The following PSMD14 variants were observed in gnomAD, a reference collection of about 807,000 sequenced individuals.
The protein encoded by PSMD14 is proteasome 26S subunit, non-ATPase 14.
In PSMD14, 7 loss-of-function variants were observed where a neutral mutation model predicts 41.2. The observed-to-expected ratio is 0.17, with a 90% confidence interval of 0.10 to 0.32. The LOEUF (loss-of-function observed/expected upper bound fraction) is 0.32. Ranked by LOEUF, PSMD14 falls within the 10% of genes least tolerant of loss-of-function variation. PSMD14 has a pLI of 1.00. For synonymous variants in PSMD14, 114 were observed against 122.3 expected (o/e 0.93, Z 0.45); for missense variants, 139 against 375.6 (o/e 0.37, Z 5.21).
chr2:161,323,969 G>C lies in PSMD14; in HGVS notation c.48+5096G>C, dbSNP rs908574719. 1.2e-4 allele frequency among the ~76,000 whole-genome samples: 19 copies of C among 152,230 alleles called. 1 individual carries two copies. The highest frequency in any genetic ancestry group is 6.5e-4 in the Admixed American group (10 of 15,296). Reference sequence around the variant, plus strand: ...TCCACCTAGGTCTTGGCATCTAAACGATTTCCAAAAGCAGTGGAAACAGAG... The same window carrying C: ...TCCACCTAGGTCTTGGCATCTAAACCATTTCCAAAAGCAGTGGAAACAGAG... On this transcript the variant is annotated intron_variant, in intron 3 of 11. Coordinates refer to ENST00000409682, the MANE Select transcript of PSMD14 (RefSeq NM_005805.6).
At chr2:161,324,588 T>G (rs1360761273) in intron 3 of PSMD14, among the ~76,000 whole-genome samples, 1 of 152,058 alleles carries the variant, frequency 6.6e-6, no homozygotes, top group African/African-American at 2.4e-5. Context: ...TGATTTTTAC[T>G]TTTTTCCCCT....
chr2:161,364,700 T>C (rs1181369429), intron 3 of PSMD14, among the ~76,000 whole-genome samples: 1 of 152,182 alleles, frequency 6.6e-6, no homozygotes, highest in Non-Finnish European at 1.5e-5. Context: ...TGATGGTGTA[T>C]TATATGCGAT....
At chr2:161,355,280 A>T (rs935049919) in intron 3 of PSMD14, among the ~76,000 whole-genome samples, 1 of 152,148 alleles carries the variant, frequency 6.6e-6, no homozygotes, top group Non-Finnish European at 1.5e-5. Context: ...TTATTATGCA[A>T]GGTACATAGT....
At chr2:161,343,118 C>G (rs543524528) in intron 3 of PSMD14, among the ~76,000 whole-genome samples, 2 of 152,212 alleles carry the variant, frequency 1.3e-5, no homozygotes, top group South Asian at 4.2e-4. Context: ...TTTAAGTGAT[C>G]AGTTCAGGTA....
intron 3 of PSMD14, among the ~76,000 whole-genome samples, chr2:161,360,652 G>C (rs1054421820): frequency 6.6e-6 from 1 of 152,154 alleles, no homozygotes; most frequent in South Asian, 2.1e-4. Flanking sequence ...ACTGTGCCCA[G>C]CCCTATTCTG....
At chr2:161,393,971 A>ATT (rs11452254) in intron 9 of PSMD14, among the ~76,000 whole-genome samples, 3,553 of 100,752 alleles carry the variant, frequency 0.035, 27 homozygotes, top group Non-Finnish European at 0.044. Context: ...ACACTAGATA[A>ATT]TTTTTTTTTT....
rs887544986 is a variant in PSMD14 at position 161,314,873 on chromosome 2, G to A, written c.-137-1564G>A. On this transcript the variant is annotated intron_variant, in intron 1 of 11. Transcript: ENST00000409682. ...GAATAGTGATGGTGTAAACATGCATGTACATGAACTTATTTTGAGTATTTG... is the reference window on the plus strand; with the variant it reads ...GAATAGTGATGGTGTAAACATGCATATACATGAACTTATTTTGAGTATTTG... Among the ~76,000 whole-genome samples the A allele has an allele frequency of 5.9e-5, 9 of 152,268 alleles. No individual in the cohort carries two copies. In the Middle Eastern group the frequency reaches 0.01, roughly 173 times the overall value.
In PSMD14 at chr2:161,391,115, T is replaced by C. The variant is rs753815943; in HGVS notation, c.582T>C (p.His194=). ...LNKPSIQALI[H]GLNRHYYSIT... is the part of the protein sequence containing the mutation. ...ATTTATCTATATAGGCATTAATTCATGGACTAAACAGACATTATTACTCCA... is the reference window on the plus strand; with the variant it reads ...ATTTATCTATATAGGCATTAATTCACGGACTAAACAGACATTATTACTCCA... Residue 194 remains histidine (H), a synonymous_variant, in exon 9 of 12, where the codon CAT becomes CAC. Coordinates refer to ENST00000409682, the MANE Select transcript of PSMD14 (RefSeq NM_005805.6). 9.2e-6 allele frequency: 14 copies of C among 1,521,880 alleles called. No homozygotes were observed. Among genetic ancestry groups the C allele is most frequent in the South Asian group, 5.1e-5 (4 of 78,260 alleles). The allele number at this position is 1,521,880 out of a possible 1,614,324, so 94.3% of individuals were successfully genotyped here.
intron 7 of PSMD14, among the ~76,000 whole-genome samples, chr2:161,380,744 T>G (rs1422886546): frequency 6.6e-6 from 1 of 152,056 alleles, no homozygotes; most frequent in Non-Finnish European, 1.5e-5. Flanking sequence ...CTTAGTGATT[T>G]TCATTGGAAA....
At chr2:161,323,992 G>C (rs973316584) in intron 3 of PSMD14, among the ~76,000 whole-genome samples, 24 of 152,172 alleles carry the variant, frequency 1.6e-4, no homozygotes, top group African/African-American at 5.6e-4. Context: ...AGTGGAAACA[G>C]AGCCCAAGAG....
chr2:161,350,130 T>C (rs1683098267), intron 3 of PSMD14, among the ~76,000 whole-genome samples: 1 of 152,212 alleles, frequency 6.6e-6, no homozygotes, highest in African/African-American at 2.4e-5. Flanking sequence ...TGGCTTAAGC[T>C]AGGCAGAACA....
chr2:161,318,904 G>A (rs747304003), intron 3 of PSMD14, 31 bp downstream of exon 3: 3 of 1,578,368 alleles, frequency 1.9e-6, no homozygotes, highest in African/African-American at 1.4e-5. Context: ...GCATTTCCTT[G>A]TGTGTAAACT....
At chr2:161,337,757 G>C (rs927000497) in intron 3 of PSMD14, among the ~76,000 whole-genome samples, 3 of 152,206 alleles carry the variant, frequency 2.0e-5, no homozygotes, top group Admixed American at 2.0e-4. Flanking sequence ...TAATTGAGAT[G>C]ATGTGCTGTA....
At chr2:161,363,292 G>T (rs944083460) in intron 3 of PSMD14, among the ~76,000 whole-genome samples, 1 of 152,038 alleles carries the variant, frequency 6.6e-6, no homozygotes, top group African/African-American at 2.4e-5. Context: ...AAGAGGTTGG[G>T]GACTGCTGCT....
chr2:161,395,252 T>G (rs368236523), intron 10 of PSMD14, 49 bp downstream of exon 10: 1 of 1,414,586 alleles, frequency 7.1e-7, no homozygotes, highest in Non-Finnish European at 9.6e-7. Flanking sequence ...GGAATATGTA[T>G]GATTAGATGC....
At chr2:161,367,648 A>G (rs1683377074) in intron 4 of PSMD14, 99 bp downstream of exon 4, 2 of 1,424,576 alleles carry the variant, frequency 1.4e-6, no homozygotes, top group Non-Finnish European at 1.9e-6. Context: ...TCAGACATAA[A>G]TAAGCTATTG....
chr2:161,320,675 C>T (rs1410059354), intron 3 of PSMD14, among the ~76,000 whole-genome samples: 2 of 151,714 alleles, frequency 1.3e-5, no homozygotes, highest in Non-Finnish European at 2.9e-5. Context: ...TAACATGAAA[C>T]GTTAAGTGTA....
intron 1 of PSMD14, among the ~76,000 whole-genome samples, chr2:161,309,730 G>T (rs1689067110): frequency 6.6e-6 from 1 of 152,162 alleles, no homozygotes; most frequent in Non-Finnish European, 1.5e-5. Flanking sequence ...TCTTGAATTT[G>T]TCCCTAAATC....
intron 1 of PSMD14, among the ~76,000 whole-genome samples, chr2:161,313,843 C>G (rs1444414999): frequency 6.6e-6 from 1 of 152,142 alleles, no homozygotes; most frequent in Non-Finnish European, 1.5e-5. Context: ...CTGATTACTT[C>G]TGGTTCTTGT....
Sources: allele counts gnomAD v4.1 joint callset (sites outside exome capture counted in the v4.1 genomes callset), GRCh38; gene constraint gnomAD v4.1.1; transcripts MANE v1.5; gene names NCBI Gene and HGNC (gene_info 2026-07-23, HGNC 2026-07-21).